Variants in LCK observed in about 807,000 individuals in gnomAD.
LCK encodes tyrosine-protein kinase Lck.
LCK carries 14 observed loss-of-function variants against 64.6 expected under a neutral mutation model. That is an observed-to-expected ratio of 0.22 (90% CI 0.14 to 0.34). The LOEUF is 0.34. Among genes scored for constraint, LCK ranks in the 10% least tolerant of loss-of-function variants. LCK has a pLI of 1.00. For missense variants in LCK, 434 were observed against 668.1 expected (o/e 0.65, Z 3.86); for synonymous variants, 277 against 263.6 (o/e 1.05, Z -0.49).
intron 12 of LCK, 59 bp downstream of exon 12, chr1:32,280,269 A>T (rs1301485868): frequency 1.9e-6 from 3 of 1,598,918 alleles, no homozygotes; most frequent in Non-Finnish European, 2.6e-6. Flanking sequence ...ATGTCTTCCC[A>T]TTCAATTCTT....
At chr1:32,270,250 CTTTTTTTT>C (rs1195979098) in intron 1 of LCK, among the ~76,000 whole-genome samples, 1 of 126,662 alleles carries the variant, frequency 7.9e-6, no homozygotes, top group African/African-American at 3.1e-5. Flanking sequence ...GCCCAGCTAA[CTTTTTTTT>C]TTTTTTTTTT....
intron 1 of LCK, among the ~76,000 whole-genome samples, chr1:32,257,938 A>C (rs1243062456): frequency 6.6e-6 from 1 of 152,080 alleles, no homozygotes; most frequent in Non-Finnish European, 1.5e-5. Context: ...CATCCAAAAT[A>C]ATGCTTTTTT....
intron 1 of LCK, among the ~76,000 whole-genome samples, chr1:32,270,337 C>G (rs1640042532): frequency 6.6e-6 from 1 of 151,336 alleles, no homozygotes; most frequent in Non-Finnish European, 1.5e-5. Flanking sequence ...CTTCTGACCC[C>G]AGGTGATCCA....
intron 1 of LCK, among the ~76,000 whole-genome samples, chr1:32,259,298 A>AAAAG (rs1260415219): frequency 5.3e-5 from 8 of 150,094 alleles, no homozygotes; most frequent in African/African-American, 9.8e-5. Context: ...GTAAAAAAAA[A>AAAAG]AAAAGAAAAA....
rs1640262032 is a variant in LCK, at chr1:32,276,129, T to TC, written c.631+71dup. The TC allele has an allele frequency of 6.4e-7, 1 of 1,573,176 alleles. No homozygotes were observed. The highest frequency in any genetic ancestry group is 8.7e-7 in the Non-Finnish European group (1 of 1,147,690). ...ATCTCCCCTCAGTCCCCCTCAGGTGTCCCCCATCCATCTTTCAATGCCCTA... is the reference window on the plus strand; with the variant it reads ...ATCTCCCCTCAGTCCCCCTCAGGTGTCCCCCCATCCATCTTTCAATGCCCTA... On this transcript the variant is annotated intron_variant, in intron 7 of 12. Coordinates refer to ENST00000336890, the MANE Select transcript of LCK (RefSeq NM_005356.5). The surrounding 1 kb of genome is among the most constrained non-coding windows in gnomAD (Gnocchi z 4.6).
chr1:32,285,850 T>G lies in LCK; in HGVS notation c.*134T>G. 1.1e-6 allele frequency: 1 copy of G among 872,222 alleles called. No homozygotes were observed. The highest frequency in any genetic ancestry group is 1.8e-6 in the Non-Finnish European group (1 of 558,910). The allele number at this position is 872,222 out of a possible 1,614,324, so 54.0% of individuals were successfully genotyped here. On this transcript the variant is annotated 3_prime_UTR_variant, in exon 13 of 13. Coordinates refer to ENST00000336890, the MANE Select transcript of LCK (RefSeq NM_005356.5). Reference sequence around the variant, plus strand: ...ATGAATCCCACCCACATGTGACACATATGCACCTTGTGTCTGTACACGTGT... The same window carrying G: ...ATGAATCCCACCCACATGTGACACAGATGCACCTTGTGTCTGTACACGTGT...
chr1:32,258,955 T>G (rs1331583868), intron 1 of LCK, among the ~76,000 whole-genome samples: 1 of 150,420 alleles, frequency 6.6e-6, no homozygotes, highest in African/African-American at 2.5e-5. Flanking sequence ...CTATGGGAGG[T>G]CGAGGCTGCA....
chr1:32,279,534 A>G, intron 9 of LCK, 137 bp from the exon 10 acceptor site: 1 of 1,547,434 alleles, frequency 6.5e-7, no homozygotes, highest in Non-Finnish European at 8.8e-7. Context: ...TACCCTGAAC[A>G]CACACTCCTC....
intron 1 of LCK, among the ~76,000 whole-genome samples, chr1:32,258,548 G>A (rs1215125693): frequency 6.6e-6 from 1 of 150,842 alleles, no homozygotes; most frequent in Non-Finnish European, 1.5e-5. Context: ...TTGGGAGGCG[G>A]AGGCAGGTGG....
At chr1:32,270,086 A>G (rs911549124) in intron 1 of LCK, among the ~76,000 whole-genome samples, 14 of 152,110 alleles carry the variant, frequency 9.2e-5, no homozygotes, top group African/African-American at 3.4e-4. Context: ...ACTTAGACCC[A>G]GCATGAATTC....
chr1:32,273,840 C>T (rs1394414002), intron 1 of LCK, among the ~76,000 whole-genome samples: 1 of 152,000 alleles, frequency 6.6e-6, no homozygotes, highest in Non-Finnish European at 1.5e-5. Flanking sequence ...GGAGCAGAAG[C>T]CTCTTTCTCA....
intron 1 of LCK, among the ~76,000 whole-genome samples, chr1:32,272,619 GAGAA>G (rs1369166468): frequency 1.4e-5 from 2 of 145,236 alleles, no homozygotes; most frequent in Non-Finnish European, 3.0e-5. Flanking sequence ...GAGAGAGAGA[GAGAA>G]AGAGAGAGAG....
chr1:32,264,886 C>T (rs2124325173), intron 1 of LCK, among the ~76,000 whole-genome samples: 1 of 152,236 alleles, frequency 6.6e-6, no homozygotes, highest in Middle Eastern at 3.4e-3. Flanking sequence ...GTGTGAGTCA[C>T]TGCACCTGGC....
At chr1:32,274,931 T>C in intron 3 of LCK, 62 bp from the exon 4 acceptor site, 3 of 1,614,070 alleles carry the variant, frequency 1.9e-6, no homozygotes, top group Non-Finnish European at 1.7e-6. Context: ...TCCCCCACCC[T>C]GTAACTCCAG....
intron 1 of LCK, among the ~76,000 whole-genome samples, chr1:32,270,372 G>A (rs1181695279): frequency 6.6e-6 from 1 of 151,118 alleles, no homozygotes; most frequent in Non-Finnish European, 1.5e-5. Context: ...CCAAAGTGCT[G>A]GGATTACAAG....
In LCK at chr1:32,276,076, G is replaced by A; in HGVS notation, c.631+13G>A. 1 of 1,613,628 alleles carries A rather than the reference G, an allele frequency of 6.2e-7. No individual in the cohort carries two copies. The highest frequency in any genetic ancestry group is 8.5e-7 in the Non-Finnish European group (1 of 1,179,936). On this transcript the variant is annotated intron_variant, in intron 7 of 12. Coordinates refer to ENST00000336890, the MANE Select transcript of LCK (RefSeq NM_005356.5). This position sits in a 1 kb window ranked among gnomAD's most constrained non-coding sequence, Gnocchi z 4.6. ...CGCCATTACACCAGTGAGCCCGACG[G>A]GACCCCTCCCCCGTGCCCTATCAGC...
Position 32,275,517 on chromosome 1 carries a change from G to A in LCK, c.378-52G>A. On this transcript the variant is annotated intron_variant, in intron 5 of 12. Coordinates refer to ENST00000336890, the MANE Select transcript of LCK (RefSeq NM_005356.5). This position sits in a 1 kb window ranked among gnomAD's most constrained non-coding sequence, Gnocchi z 6.9. ...TGGCGGTGAAGGCTTGAGGGCCACG[G>A]AGGAAGATCCGACGACAGCCGACGG... 2 of 1,555,190 alleles carry A rather than the reference G, an allele frequency of 1.3e-6. No homozygotes were observed. The highest frequency in any genetic ancestry group is 1.4e-5 in the African/African-American group (1 of 73,588).
chr1:32,273,809 G>A (rs1425211720), intron 1 of LCK, among the ~76,000 whole-genome samples: 1 of 152,118 alleles, frequency 6.6e-6, no homozygotes, highest in African/African-American at 2.4e-5. Flanking sequence ...GGGAACAGCG[G>A]GGGCTTGATG....
intron 1 of LCK, among the ~76,000 whole-genome samples, chr1:32,254,880 G>C (rs1639592357): frequency 6.6e-6 from 1 of 152,150 alleles, no homozygotes; most frequent in African/African-American, 2.4e-5. Flanking sequence ...CAGGCACAGT[G>C]GCTCGCACCT....
Sources: gnomAD v4.1 joint callset for allele counts (sites outside exome capture counted in the v4.1 genomes callset) on GRCh38, gnomAD v4.1.1 for gene constraint, Gnocchi (gnomAD v3.1) non-coding constraint, MANE v1.5 for transcripts, NCBI Gene and HGNC (gene_info 2026-07-23, HGNC 2026-07-21) for gene names.